Variants in TRAPPC8 observed in about 807,000 individuals in gnomAD.
TRAPPC8 encodes general sporulation gene 1 homolog.
TRAPPC8 carries 54 observed loss-of-function variants against 174.3 expected under a neutral mutation model. That is an observed-to-expected ratio of 0.31 (90% CI 0.25 to 0.39). The LOEUF (loss-of-function observed/expected upper bound fraction) is 0.39. Among genes scored for constraint, TRAPPC8 ranks in the 10% least tolerant of loss-of-function variants. The pLI, the probability that TRAPPC8 is intolerant of heterozygous loss-of-function variation, is 1.00. For synonymous variants in TRAPPC8, 630 were observed against 579.9 expected, an observed-to-expected ratio of 1.09 and a Z score of -1.24; for missense variants, 1,531 against 1,699.1, an observed-to-expected ratio of 0.90 and a Z score of 1.74.
At chr18:31,864,375 G>A (rs2034486331) in intron 19 of TRAPPC8, among the ~76,000 whole-genome samples, 1 of 151,858 alleles carries the variant, frequency 6.6e-6, no homozygotes, top group Non-Finnish European at 1.5e-5. Context: ...AATCAGAGTG[G>A]ATTTTTTAGA....
intron 19 of TRAPPC8, 24 bp downstream of exon 19, chr18:31,864,603 A>G (rs754331767): frequency 6.2e-7 from 1 of 1,602,784 alleles, no homozygotes; most frequent in Non-Finnish European, 8.5e-7. Context: ...AATTAAGTCC[A>G]TGAAATTTTA....
rs115235116 is a variant in TRAPPC8 at position 31,925,968 on chromosome 18, C to T, written c.352+5361G>A. Among the ~76,000 whole-genome samples the T allele has an allele frequency of 8.9e-3, 1,353 of 152,216 alleles. 19 individuals are homozygous for T. The highest frequency in any genetic ancestry group is 0.03 in the African/African-American group (1,245 of 41,522). On this transcript the variant is annotated intron_variant, in intron 2 of 28. Transcript: ENST00000283351. ...TCAGGAAGCTACTAGAGATGTCCTT[C>T]ACCATACTAAGGAAATACACACAAA...
In TRAPPC8 at chr18:31,921,103, T is replaced by C. The variant is rs150987111; in HGVS notation, c.353-3436A>G. 4.5e-3 allele frequency among the ~76,000 whole-genome samples: 684 copies of C among 152,198 alleles called. 4 individuals are homozygous for C. The highest frequency in any genetic ancestry group is 0.016 in the African/African-American group (657 of 41,542). On this transcript the variant is annotated intron_variant, in intron 2 of 28. Coordinates refer to ENST00000283351, the MANE Select transcript of TRAPPC8 (RefSeq NM_014939.5). ...GGGGAAAAATCTCTACATATTACAA[T>C]GAAGTGTTCTTCCAGATATATTAAG...
rs530145562 is a variant in TRAPPC8, at chr18:31,894,367, T to G, written c.1596+3419A>C. On this transcript the variant is annotated intron_variant, in intron 11 of 28. Coordinates refer to ENST00000283351, the MANE Select transcript of TRAPPC8 (RefSeq NM_014939.5). ...GGATTTTTACAAAGTGATGGTTTTA[T>G]CCAGAAAGCAAAGGCTTTAAATGAA... 4.6e-5 allele frequency among the ~76,000 whole-genome samples: 7 copies of G among 152,290 alleles called. No individual in the cohort carries two copies. The South Asian group carries it at 1.4e-3, about 32-fold the overall frequency.
At chr18:31,895,102 C>T (rs989499304) in intron 11 of TRAPPC8, among the ~76,000 whole-genome samples, 3 of 152,158 alleles carry the variant, frequency 2.0e-5, no homozygotes. Context: ...AAGCACAGCT[C>T]CTCCTTTTGC....
rs1436517784 is a variant in TRAPPC8 at position 31,915,482 on chromosome 18, G to GGC, written c.617+789_617+790insGC. ...CATCAAAAAAAAAGGGGGGGGGGGCGCAGGCGCAGTGGCTCCCGCCTGTCA... is the reference window on the plus strand; with the variant it reads ...CATCAAAAAAAAAGGGGGGGGGGGCGGCCAGGCGCAGTGGCTCCCGCCTGTCA... On this transcript the variant is annotated intron_variant, in intron 4 of 28. Coordinates refer to ENST00000283351, the MANE Select transcript of TRAPPC8 (RefSeq NM_014939.5). 2.3e-3 allele frequency among the ~76,000 whole-genome samples: 269 copies of GGC among 116,936 alleles called. 19 individuals are homozygous for GGC. The highest frequency in any genetic ancestry group is 6.9e-3 in the African/African-American group (215 of 31,378). The allele number at this position is 116,936 out of a possible 152,430, so 76.7% of individuals were successfully genotyped here. A position where few individuals can be genotyped will look rare whatever the true frequency, so the allele number is the denominator to read the frequency against.
chr18:31,895,407 G>C (rs971681867), intron 11 of TRAPPC8, among the ~76,000 whole-genome samples: 1 of 152,096 alleles, frequency 6.6e-6, no homozygotes, highest in South Asian at 2.1e-4. Context: ...CTGGGTACGT[G>C]CACCACCACC....
At position 31,900,843 on chromosome 18, in the gene TRAPPC8, A is replaced by T. The variant is rs1439649731; in HGVS notation, c.1490+82T>A. On this transcript the variant is annotated intron_variant, in intron 10 of 28. Coordinates refer to ENST00000283351, the MANE Select transcript of TRAPPC8 (RefSeq NM_014939.5). ...TCCGACTATATTAACTTGATTTGGG[A>T]GTTTAGGAATGGGGAAAAAAAAAAA... 3.8e-6 allele frequency: 4 copies of T among 1,050,810 alleles called. No individual in the cohort carries two copies. In the African/African-American group the frequency reaches 5.0e-5, roughly 13 times the overall value. The allele number at this position is 1,050,810 out of a possible 1,614,324, so 65.1% of individuals were successfully genotyped here.
At position 31,917,608 on chromosome 18, in the gene TRAPPC8, C is replaced by T. The variant is rs1472640582; in HGVS notation, c.412G>A (p.Asp138Asn). The change falls in exon 3 of 29, where the codon GAT (aspartate) becomes AAT (asparagine). Residue 138 changes from aspartate (D) to asparagine (N), a missense_variant. Transcript: ENST00000283351. ...ETFLQSMPAL[D>N]HEFLNHYLAC... ...AAATAGTGGTTCAGAAATTCATGAT[C>T]CAATGCTGGCATCGACTGAAGAAAG... 2 of 1,613,132 alleles carry T rather than the reference C, an allele frequency of 1.2e-6. No homozygotes were observed. Among genetic ancestry groups the T allele is most frequent in the South Asian group, 2.2e-5 (2 of 90,922 alleles).
intron 11 of TRAPPC8, among the ~76,000 whole-genome samples, chr18:31,897,307 T>C (rs1426313854): frequency 1.3e-5 from 2 of 152,148 alleles, no homozygotes; most frequent in African/African-American, 4.8e-5. Flanking sequence ...ACAATATAGG[T>C]TTTTTAAATG....
intron 2 of TRAPPC8, chr18:31,926,472 GTTT>G (rs11343145): frequency 2.7e-5 from 4 of 148,716 alleles, no homozygotes; most frequent in Non-Finnish European, 4.5e-5. Context: ...TTTTGTTTTG[GTTT>G]TTTTTTTTTT....
intron 12 of TRAPPC8, among the ~76,000 whole-genome samples, chr18:31,884,836 A>G (rs2035626575): frequency 6.6e-6 from 1 of 150,522 alleles, no homozygotes; most frequent in Non-Finnish European, 1.5e-5. Context: ...GTGAGACTCC[A>G]TTTCTTAAAA....
intron 1 of TRAPPC8, among the ~76,000 whole-genome samples, chr18:31,938,115 G>A (rs1057460794): frequency 6.6e-6 from 1 of 152,046 alleles, no homozygotes; most frequent in Non-Finnish European, 1.5e-5. Context: ...ACATCTAAAT[G>A]ATATATTGCA....
chr18:31,901,081 A>G, intron 9 of TRAPPC8, 56 bp from the exon 10 acceptor site: 1 of 1,449,942 alleles, frequency 6.9e-7, no homozygotes, highest in Non-Finnish European at 9.3e-7. Context: ...CTTACAGTTT[A>G]GATGGGAAAC....
intron 12 of TRAPPC8, among the ~76,000 whole-genome samples, chr18:31,888,750 G>T (rs1372052211): frequency 1.3e-5 from 2 of 152,068 alleles, no homozygotes; most frequent in Non-Finnish European, 2.9e-5. Flanking sequence ...ACACACACTG[G>T]GGCCTGTTGA....
At chr18:31,873,148 G>GC in intron 14 of TRAPPC8, among the ~76,000 whole-genome samples, 2 of 148,870 alleles carry the variant, frequency 1.3e-5, no homozygotes, top group Non-Finnish European at 3.0e-5. Context: ...CTCTTGAGTT[G>GC]ATGGGACTAC....
At chr18:31,875,628 G>C (rs1337374358) in intron 12 of TRAPPC8, among the ~76,000 whole-genome samples, 1 of 152,088 alleles carries the variant, frequency 6.6e-6, no homozygotes, top group Non-Finnish European at 1.5e-5. Context: ...CATACTTCCT[G>C]GTATTCAGTG....
intron 26 of TRAPPC8, among the ~76,000 whole-genome samples, chr18:31,840,967 A>C (rs1383607374): frequency 6.6e-6 from 1 of 152,150 alleles, no homozygotes; most frequent in Admixed American, 6.5e-5. Context: ...TTATAGCCTA[A>C]TCAGTGGTAA....
At chr18:31,910,825 A>G (rs997884668) in intron 5 of TRAPPC8, among the ~76,000 whole-genome samples, 1 of 152,204 alleles carries the variant, frequency 6.6e-6, no homozygotes, top group Non-Finnish European at 1.5e-5. Context: ...ATACTGCACA[A>G]TCTTCTTCAT....
Sources: allele counts gnomAD v4.1 joint callset (sites outside exome capture counted in the v4.1 genomes callset), GRCh38; gene constraint gnomAD v4.1.1; transcripts MANE v1.5; gene names NCBI Gene and HGNC (gene_info 2026-07-23, HGNC 2026-07-21).